The following PLCB1 variants were observed in gnomAD, a reference collection of about 807,000 sequenced individuals.
PLCB1 encodes the protein phospholipase C beta 1, also known as 1-phosphatidylinositol 4,5-bisphosphate phosphodiesterase beta-1.
PLCB1 carries 46 observed loss-of-function variants against 161.8 expected under a neutral mutation model. That is an observed-to-expected ratio of 0.28 (90% confidence interval 0.22 to 0.36). The LOEUF (loss-of-function observed/expected upper bound fraction) is 0.36. Ranked by LOEUF, PLCB1 falls within the 10% of genes least tolerant of loss-of-function variation. The probability of loss-of-function intolerance (pLI) is 1.00; values close to 1 mark genes in which losing one functional copy is unlikely to be tolerated. For synonymous variants in PLCB1, 517 were observed against 503.7 expected (o/e 1.03, Z -0.35); for missense variants, 1,016 against 1,472.5 (o/e 0.69, Z 5.07).
intron 3 of PLCB1, among the ~76,000 whole-genome samples, chr20:8,433,878 G>A (rs1980177630): frequency 6.6e-6 from 1 of 152,002 alleles, no homozygotes; most frequent in Non-Finnish European, 1.5e-5. Context: ...GAAGAGTCAT[G>A]GGTAGCACCA....
intron 2 of PLCB1, among the ~76,000 whole-genome samples, chr20:8,281,018 G>A (rs1982850869): frequency 6.6e-6 from 1 of 152,180 alleles, no homozygotes; most frequent in African/African-American, 2.4e-5. Context: ...TGGATAGCTA[G>A]TTCTTTTCTG....
chr20:8,750,298 T>G (rs1981388493), intron 23 of PLCB1, among the ~76,000 whole-genome samples: 1 of 152,174 alleles, frequency 6.6e-6, no homozygotes, highest in Admixed American at 6.5e-5. Context: ...ATGAAGAAGC[T>G]CAAAAAACTG....
chr20:8,605,096 C>G (rs1357578563), intron 3 of PLCB1, among the ~76,000 whole-genome samples: 1 of 151,916 alleles, frequency 6.6e-6, no homozygotes, highest in Non-Finnish European at 1.5e-5. Context: ...TAATACATTA[C>G]TATATAGAAT....
chr20:8,531,306 C>T (rs1270660550), intron 3 of PLCB1, among the ~76,000 whole-genome samples: 1 of 152,022 alleles, frequency 6.6e-6, no homozygotes, highest in African/African-American at 2.4e-5. Context: ...AGGACTTACA[C>T]AGGTCTCTAG....
chr20:8,823,078 G>T (rs1219640913), intron 31 of PLCB1, among the ~76,000 whole-genome samples: 2 of 152,178 alleles, frequency 1.3e-5, no homozygotes, highest in South Asian at 4.1e-4. Flanking sequence ...GATTCACAGT[G>T]TATAAGTGGA....
chr20:8,769,380 T>C (rs1414803055), intron 26 of PLCB1, among the ~76,000 whole-genome samples: 2 of 152,052 alleles, frequency 1.3e-5, no homozygotes, highest in Non-Finnish European at 2.9e-5. Flanking sequence ...TATTTCTATA[T>C]ATATATATAG....
chr20:8,852,294 C>G (rs1986915950), intron 31 of PLCB1, among the ~76,000 whole-genome samples: 2 of 152,182 alleles, frequency 1.3e-5, no homozygotes, highest in Non-Finnish European at 2.9e-5. Flanking sequence ...AAGAAAATTG[C>G]TGTGTTACAA....
chr20:8,746,747 G>A (rs1021425082), intron 23 of PLCB1, among the ~76,000 whole-genome samples: 4 of 152,220 alleles, frequency 2.6e-5, no homozygotes, highest in Admixed American at 6.5e-5. Context: ...GCACTGAGGA[G>A]TTAAATTGCT....
At chr20:8,791,789 G>A (rs1983770114) in intron 31 of PLCB1, among the ~76,000 whole-genome samples, 1 of 152,020 alleles carries the variant, frequency 6.6e-6, no homozygotes, top group Non-Finnish European at 1.5e-5. Flanking sequence ...TACTGCTCTA[G>A]GTCATCATGA....
In PLCB1 at chr20:8,739,969, A is replaced by C. The variant is rs548050522; in HGVS notation, c.2309-375A>C. 2.8e-4 allele frequency among the ~76,000 whole-genome samples: 43 copies of C among 152,360 alleles called. 1 individual carries two copies. The highest frequency in any genetic ancestry group is 1.0e-3 in the African/African-American group (42 of 41,590). ...CTCTTGAGGCCAGAAGTTTGAAACC[A>C]GCCTGAGCAACAGAATGAGACCCTG... On this transcript the variant is annotated intron_variant, in intron 21 of 31. Transcript: ENST00000338037.
chr20:8,178,758 C>T (rs6055597), intron 2 of PLCB1, among the ~76,000 whole-genome samples: 47,256 of 151,762 alleles, frequency 0.31, 9,453 homozygotes, highest in African/African-American at 0.58. Flanking sequence ...GGGGTATTTA[C>T]AGTTTTCGGT....
chr20:8,650,274 AG>A (rs1268748103), intron 7 of PLCB1, among the ~76,000 whole-genome samples: 1 of 152,034 alleles, frequency 6.6e-6, no homozygotes, highest in African/African-American at 2.4e-5. Context: ...CAGCTAAAAC[AG>A]GGGGAGCGGA....
intron 3 of PLCB1, among the ~76,000 whole-genome samples, chr20:8,520,017 G>A (rs1984286151): frequency 6.6e-6 from 1 of 152,102 alleles, no homozygotes; most frequent in Non-Finnish European, 1.5e-5. Flanking sequence ...TCATGTTTTA[G>A]TCAAGAAGGA....
At chr20:8,260,644 T>C (rs1981642781) in intron 2 of PLCB1, among the ~76,000 whole-genome samples, 1 of 152,114 alleles carries the variant, frequency 6.6e-6, no homozygotes, top group South Asian at 2.1e-4. Context: ...TTAGATAAGC[T>C]AGAATCATCT....
At chr20:8,630,529 C>T (rs958831907) in intron 4 of PLCB1, among the ~76,000 whole-genome samples, 3 of 152,110 alleles carry the variant, frequency 2.0e-5, no homozygotes, top group Non-Finnish European at 2.9e-5. Flanking sequence ...ATCATTTATA[C>T]TTGGAGAGAT....
chr20:8,445,409 TCTGTTTTGGTACCAGTACCATG>T (rs1205300136), intron 3 of PLCB1, among the ~76,000 whole-genome samples: 9 of 152,112 alleles, frequency 5.9e-5, no homozygotes, highest in African/African-American at 2.2e-4. Context: ...GGTCTATATC[TCTGTTTTGGTACCAGTACCATG>T]CTGTTTTGGT....
At chr20:8,166,069 A>T (rs1048433385) in intron 2 of PLCB1, among the ~76,000 whole-genome samples, 1 of 152,120 alleles carries the variant, frequency 6.6e-6, no homozygotes, top group African/African-American at 2.4e-5. Flanking sequence ...TCAATATTAA[A>T]CATGACATGC....
At chr20:8,517,223 G>A (rs752631460) in intron 3 of PLCB1, among the ~76,000 whole-genome samples, 2 of 152,148 alleles carry the variant, frequency 1.3e-5, no homozygotes, top group African/African-American at 2.4e-5. Context: ...CCTGCATGGT[G>A]AGCCTAGAGC....
intron 2 of PLCB1, among the ~76,000 whole-genome samples, chr20:8,328,446 A>T (rs1304477720): frequency 6.6e-6 from 1 of 152,048 alleles, no homozygotes; most frequent in African/African-American, 2.4e-5. Context: ...ATTTTTAAGC[A>T]TATGACATAT....
Sources: gnomAD v4.1 joint callset for allele counts (sites outside exome capture counted in the v4.1 genomes callset) on GRCh38, gnomAD v4.1.1 for gene constraint, MANE v1.5 for transcripts, NCBI Gene and HGNC (gene_info 2026-07-23, HGNC 2026-07-21) for gene names.